NBEA: variants seen among roughly 807,000 people sequenced by gnomAD.
The protein encoded by NBEA is neurobeachin.
NBEA carries 44 observed loss-of-function variants against 343.4 expected under a neutral mutation model. That is an observed-to-expected ratio of 0.13 (90% CI 0.10 to 0.16). NBEA has a LOEUF of 0.16. Ranked by LOEUF, NBEA falls within the 10% of genes least tolerant of loss-of-function variation. The pLI is 1.00. For synonymous variants in NBEA, 1,175 were observed against 1,238.7 expected, an observed-to-expected ratio of 0.95 and a Z score of 1.08; for missense variants, 2,555 against 3,631.3, an observed-to-expected ratio of 0.70 and a Z score of 7.62.
At chr13:35,396,095 A>G (rs2042732494) in intron 38 of NBEA, among the ~76,000 whole-genome samples, 1 of 151,990 alleles carries the variant, frequency 6.6e-6, no homozygotes, top group Non-Finnish European at 1.5e-5. Context: ...GGGTCTTGCT[A>G]TGGTGCCCAG....
chr13:35,140,572 C>T (rs2068030314), intron 17 of NBEA, among the ~76,000 whole-genome samples: 1 of 152,072 alleles, frequency 6.6e-6, no homozygotes, highest in South Asian at 2.1e-4. Flanking sequence ...AACACAGCTG[C>T]AGAACAGATG....
chr13:35,452,617 A>G (rs950259267), intron 40 of NBEA, among the ~76,000 whole-genome samples: 1 of 152,136 alleles, frequency 6.6e-6, no homozygotes, highest in African/African-American at 2.4e-5. Context: ...CCAGGTGCCA[A>G]TTGAATTTGC....
At chr13:35,052,591 A>G (rs558366993) in intron 6 of NBEA, among the ~76,000 whole-genome samples, 96 of 151,786 alleles carry the variant, frequency 6.3e-4, no homozygotes, top group Non-Finnish European at 1.2e-3. Context: ...ACATAATATC[A>G]CTATGCACAC....
intron 1 of NBEA, among the ~76,000 whole-genome samples, chr13:34,944,447 G>A (rs188105177): frequency 1.2e-3 from 178 of 152,294 alleles, no homozygotes; most frequent in Non-Finnish European, 7.9e-4. Context: ...CAGGTCAAAG[G>A]AGATTATCTG....
At chr13:35,233,160 G>T (rs1268159922) in intron 34 of NBEA, among the ~76,000 whole-genome samples, 1 of 151,994 alleles carries the variant, frequency 6.6e-6, no homozygotes, top group Admixed American at 6.6e-5. Flanking sequence ...TGAAAAATAT[G>T]GTTAATCAAA....
intron 48 of NBEA, among the ~76,000 whole-genome samples, chr13:35,610,897 A>G (rs1308337113): frequency 6.6e-6 from 1 of 152,128 alleles, no homozygotes; most frequent in Admixed American, 6.5e-5. Context: ...GGGCAAAAGA[A>G]TCTTCAGCGA....
intron 38 of NBEA, among the ~76,000 whole-genome samples, chr13:35,400,705 T>G (rs1263507078): frequency 6.6e-6 from 1 of 152,010 alleles, no homozygotes; most frequent in East Asian, 1.9e-4. Context: ...AGTCTGGAAT[T>G]TATAATCTGG....
rs574221840 is a variant in NBEA at position 35,098,469 on chromosome 13, A to AT, written c.1680+73dup. 2,109 of 1,189,848 alleles carry AT rather than the reference A, an allele frequency of 1.8e-3. 2 individuals are homozygous for AT. The highest frequency in any genetic ancestry group is 0.012 in the Middle Eastern group (63 of 5,180). 73.7% of individuals were successfully genotyped at this position (1,189,848 alleles called of 1,614,324 possible). Reference sequence around the variant, plus strand: ...ACAGTTGGACAGCTGTTAATCACTAATTTTTTTTTCTGTAATTTCACTTTC... The same window carrying AT: ...ACAGTTGGACAGCTGTTAATCACTAATTTTTTTTTTCTGTAATTTCACTTTC... On this transcript the variant is annotated intron_variant, in intron 11 of 58. Coordinates refer to ENST00000379939, the MANE Select transcript of NBEA (RefSeq NM_001385012.1).
At chr13:35,259,398 C>G (rs1251666500) in intron 34 of NBEA, among the ~76,000 whole-genome samples, 1 of 151,998 alleles carries the variant, frequency 6.6e-6, no homozygotes, top group African/African-American at 2.4e-5. Context: ...TAATTTCTGC[C>G]TAACTAGCAG....
At chr13:35,588,713 C>T (rs1031221801) in intron 46 of NBEA, among the ~76,000 whole-genome samples, 3 of 152,112 alleles carry the variant, frequency 2.0e-5, no homozygotes, top group African/African-American at 7.2e-5. Context: ...TTAAAAGACA[C>T]ATTTTACTTG....
Position 35,477,452 on chromosome 13 carries a change from C to T in NBEA, c.6585+4916C>T, listed in dbSNP as rs1041050399. ...TGGTGGACTTGCCCAGCATTACAAG[C>T]AGGACACAACGCTATATATGCACTT... On this transcript the variant is annotated intron_variant, in intron 41 of 58. Coordinates refer to ENST00000379939, the MANE Select transcript of NBEA (RefSeq NM_001385012.1). Among the ~76,000 whole-genome samples the T allele has an allele frequency of 2.8e-4, 43 of 152,148 alleles. 1 individual carries two copies. The highest frequency in any genetic ancestry group is 5.9e-5 in the Non-Finnish European group (4 of 68,024).
chr13:35,108,221 T>C (rs1377741306), intron 11 of NBEA, among the ~76,000 whole-genome samples: 1 of 152,066 alleles, frequency 6.6e-6, no homozygotes, highest in African/African-American at 2.4e-5. Context: ...TGATAGGTGA[T>C]TCTTTACCCT....
chr13:35,034,334 C>T (rs1437178477), intron 1 of NBEA, among the ~76,000 whole-genome samples: 8 of 151,820 alleles, frequency 5.3e-5, no homozygotes, highest in Non-Finnish European at 1.0e-4. Context: ...TATGTTGAAC[C>T]GTCCTTGTAT....
At chr13:35,164,611 C>CT in intron 24 of NBEA, 102 bp downstream of exon 24, 1 of 1,231,360 alleles carries the variant, frequency 8.1e-7, no homozygotes, top group Non-Finnish European at 1.1e-6. Flanking sequence ...CAGACCTGTA[C>CT]TTTTTAGGCA....
chr13:35,356,138 C>G (rs2040479729), intron 38 of NBEA, among the ~76,000 whole-genome samples: 2 of 151,872 alleles, frequency 1.3e-5, no homozygotes, highest in Non-Finnish European at 2.9e-5. Context: ...GTAATGATAC[C>G]TATCATGGAA....
intron 41 of NBEA, among the ~76,000 whole-genome samples, chr13:35,492,191 G>A (rs968613069): frequency 6.6e-6 from 1 of 151,904 alleles, no homozygotes; most frequent in African/African-American, 2.4e-5. Flanking sequence ...TGGGAACTCA[G>A]GGGGAAAGGG....
chr13:35,255,780 T>G (rs1200108150), intron 34 of NBEA, among the ~76,000 whole-genome samples: 1 of 151,952 alleles, frequency 6.6e-6, no homozygotes, highest in Non-Finnish European at 1.5e-5. Context: ...TGAGCGGGGG[T>G]GGGAGGATTG....
At chr13:35,471,166 C>T (rs1440519539) in intron 40 of NBEA, among the ~76,000 whole-genome samples, 1 of 152,202 alleles carries the variant, frequency 6.6e-6, no homozygotes, top group Non-Finnish European at 1.5e-5. Context: ...CAGCCCAGCC[C>T]TCTGTGTTCC....
chr13:35,632,140 T>C (rs1188751404), intron 49 of NBEA, among the ~76,000 whole-genome samples: 1 of 152,232 alleles, frequency 6.6e-6, no homozygotes, highest in East Asian at 1.9e-4. Context: ...TTTCAAGCAT[T>C]ATAAAGAATA....
Sources: gnomAD v4.1 joint callset for allele counts (sites outside exome capture counted in the v4.1 genomes callset) on GRCh38, gnomAD v4.1.1 for gene constraint, MANE v1.5 for transcripts, NCBI Gene and HGNC (gene_info 2026-07-23, HGNC 2026-07-21) for gene names.